EML1: variants seen among roughly 807,000 people sequenced by gnomAD.
The protein encoded by EML1 is EMAP like 1.
EML1 carries 27 observed loss-of-function variants against 110.4 expected under a neutral mutation model. That is an observed-to-expected ratio of 0.24 (90% CI 0.18 to 0.34). The LOEUF (loss-of-function observed/expected upper bound fraction) is 0.34. Among genes scored for constraint, EML1 ranks in the 10% least tolerant of loss-of-function variants. The probability of loss-of-function intolerance (pLI) is 1.00; values close to 1 mark genes in which losing one functional copy is unlikely to be tolerated. For synonymous variants in EML1, 344 were observed against 385.8 expected, an observed-to-expected ratio of 0.89 and a Z score of 1.27; for missense variants, 741 against 1,030.9, an observed-to-expected ratio of 0.72 and a Z score of 3.85.
upstream of EML1, among the ~76,000 whole-genome samples, chr14:99,792,035 T>C (rs1199007793): frequency 6.6e-6 from 1 of 152,198 alleles, no homozygotes; most frequent in Non-Finnish European, 1.5e-5. Flanking sequence ...ACAATCCTGC[T>C]AGGACAGGAA....
chr14:99,791,100 A>G (rs964784025), upstream of EML1, among the ~76,000 whole-genome samples: 3 of 152,074 alleles, frequency 2.0e-5, no homozygotes, highest in Non-Finnish European at 2.9e-5. Flanking sequence ...AATTCAGGCA[A>G]TCTGCCCACC....
chr14:99,790,968 C>T (rs2057663502), upstream of EML1, among the ~76,000 whole-genome samples: 1 of 151,694 alleles, frequency 6.6e-6, no homozygotes, highest in Admixed American at 6.6e-5. Flanking sequence ...GGTGATTCTC[C>T]CACCTCAGCT....
intron 1 of EML1, among the ~76,000 whole-genome samples, chr14:99,738,144 C>G (rs2056991715): frequency 6.6e-6 from 1 of 152,222 alleles, no homozygotes; most frequent in Non-Finnish European, 1.5e-5. Context: ...TGACCCAGGA[C>G]AGAGGGGCAG....
At chr14:99,782,793 G>C (rs1220149764) in intron 1 of EML1, among the ~76,000 whole-genome samples, 1 of 152,146 alleles carries the variant, frequency 6.6e-6, no homozygotes, top group African/African-American at 2.4e-5. Flanking sequence ...GAGATGATGG[G>C]AGGGGAGTAG....
At chr14:99,782,343 A>G (rs1455419511) in intron 1 of EML1, among the ~76,000 whole-genome samples, 2 of 152,202 alleles carry the variant, frequency 1.3e-5, no homozygotes, top group East Asian at 3.9e-4. Context: ...TGCAAGGTGC[A>G]GGCAGTACCA....
chr14:99,916,256 C>T (rs150015120), intron 15 of EML1, among the ~76,000 whole-genome samples: 16 of 152,288 alleles, frequency 1.1e-4, no homozygotes, highest in East Asian at 7.7e-4. Flanking sequence ...AAAATTGTTA[C>T]GAGGCTTAGA....
intron 13 of EML1, among the ~76,000 whole-genome samples, chr14:99,912,977 C>T (rs1197791288): frequency 1.3e-5 from 2 of 152,196 alleles, no homozygotes; most frequent in Non-Finnish European, 2.9e-5. Context: ...CAGGGTCAAG[C>T]TGCAGCATTT....
rs756224263 is a variant in EML1, at chr14:99,914,664, G to C, written c.1719G>C (p.Val573=). The C allele has an allele frequency of 6.2e-7, 1 of 1,610,342 alleles. No homozygotes were observed. Among genetic ancestry groups the C allele is most frequent in the Non-Finnish European group, 8.5e-7 (1 of 1,179,290 alleles). Residue 573 remains valine, a synonymous_variant, in exon 15 of 22, where the codon GTG becomes GTC. Transcript: ENST00000262233. ...HDKHATLWDA[V]GHRPVWDKII... ...AGCATGCCACTCTCTGGGACGCTGTGGGTCACCGTCCCGTCTGGGACAAAA... is the reference window on the plus strand; with the variant it reads ...AGCATGCCACTCTCTGGGACGCTGTCGGTCACCGTCCCGTCTGGGACAAAA...
intron 4 of EML1, among the ~76,000 whole-genome samples, chr14:99,887,643 G>A (rs1277133744): frequency 6.6e-6 from 1 of 152,306 alleles, no homozygotes; most frequent in South Asian, 2.1e-4. Context: ...GGGAATCAGA[G>A]ATGAATTACG....
rs75313780 is a variant in EML1, at chr14:99,743,367, G to A, written c.28+5507G>A. Among the ~76,000 whole-genome samples the A allele has an allele frequency of 3.6e-3, 549 of 152,272 alleles. 1 individual carries two copies. The highest frequency in any genetic ancestry group is 5.7e-3 in the Non-Finnish European group (388 of 68,018). ...GACCCTGCACCCTTGGAGCACCCAT[G>A]CCCTGCTACCCTTCTTGGATAGTAG... is the stretch of plus-strand genomic sequence containing the variant. On this transcript the variant is annotated intron_variant, in intron 1 of 10. Transcript: ENST00000554479.
At chr14:99,796,936 T>TGTGTGTGTGTGA (rs368044152) in intron 1 of EML1, among the ~76,000 whole-genome samples, 2 of 150,026 alleles carry the variant, frequency 1.3e-5, no homozygotes, top group African/African-American at 2.5e-5. Flanking sequence ...TGTGTGTGTG[T>TGTGTGTGTGTGA]GAGAGAGTAA....
intron 1 of EML1, among the ~76,000 whole-genome samples, chr14:99,806,608 G>A (rs538833300): frequency 1.3e-5 from 2 of 152,148 alleles, no homozygotes; most frequent in African/African-American, 4.8e-5. Flanking sequence ...GAGCCACTGC[G>A]CCTGGCCAGT....
chr14:99,880,589 A>T (rs1168911047), intron 4 of EML1, among the ~76,000 whole-genome samples: 1 of 152,174 alleles, frequency 6.6e-6, no homozygotes, highest in Non-Finnish European at 1.5e-5. Context: ...TCAAGATGGC[A>T]TGCCTCGTCC....
At chr14:99,786,827 G>C (rs1004354835) in intron 1 of EML1, among the ~76,000 whole-genome samples, 1 of 152,164 alleles carries the variant, frequency 6.6e-6, no homozygotes, top group Non-Finnish European at 1.5e-5. Context: ...GCACCTCTTT[G>C]GGTAAGTTAA....
chr14:99,907,472 AAAAGAAAG>A (rs1048148550), intron 9 of EML1, 158 bp from the exon 10 acceptor site: 2 of 649,102 alleles, frequency 3.1e-6, no homozygotes, highest in East Asian at 5.6e-5. Flanking sequence ...TGTCTCCAGA[AAAAGAAAG>A]AAAGAAAGAA....
intron 17 of EML1, among the ~76,000 whole-genome samples, chr14:99,934,300 C>T (rs939058569): frequency 2.0e-5 from 3 of 152,218 alleles, no homozygotes; most frequent in African/African-American, 7.2e-5. Context: ...CAGCCTGTCT[C>T]CGGCTTCAGC....
At chr14:99,759,423 C>T (rs989359787) in intron 1 of EML1, among the ~76,000 whole-genome samples, 12 of 152,254 alleles carry the variant, frequency 7.9e-5, no homozygotes, top group African/African-American at 2.9e-4. Flanking sequence ...TCTCTGACCA[C>T]TCAGCCACCC....
intron 4 of EML1, among the ~76,000 whole-genome samples, chr14:99,880,562 T>A (rs971581934): frequency 6.6e-6 from 1 of 152,182 alleles, no homozygotes; most frequent in African/African-American, 2.4e-5. Flanking sequence ...TTTTAAACAT[T>A]ACTGCGTTCA....
At chr14:99,778,806 T>C (rs190938636) in intron 1 of EML1, among the ~76,000 whole-genome samples, 45 of 152,364 alleles carry the variant, frequency 3.0e-4, no homozygotes, top group South Asian at 1.0e-3. Flanking sequence ...CATTTATCTG[T>C]TGTTTTCTAG....
Sources: allele counts gnomAD v4.1 joint callset (sites outside exome capture counted in the v4.1 genomes callset), GRCh38; gene constraint gnomAD v4.1.1; transcripts MANE v1.5; gene names NCBI Gene and HGNC (gene_info 2026-07-23, HGNC 2026-07-21).